The following BMPR1B variants were observed in gnomAD, a reference collection of about 807,000 sequenced individuals.
BMPR1B encodes the protein bone morphogenetic protein receptor type 1B.
In BMPR1B, 12 loss-of-function variants were observed where a neutral mutation model predicts 59.1. The observed-to-expected ratio is 0.20, with a 90% CI of 0.13 to 0.33. The LOEUF is 0.33. Among genes scored for constraint, BMPR1B ranks in the 10% least tolerant of loss-of-function variants. The pLI is 1.00. For missense variants in BMPR1B, 550 were observed against 610.9 expected (o/e 0.90, Z 1.05); for synonymous variants, 237 against 207.3 (o/e 1.14, Z -1.23).
At chr4:94,987,435 C>A (rs1021630848) in intron 2 of BMPR1B, among the ~76,000 whole-genome samples, 2 of 151,552 alleles carry the variant, frequency 1.3e-5, no homozygotes, top group African/African-American at 4.8e-5. Context: ...TTTAATCTTT[C>A]AGTGATATTT....
chr4:95,138,970 C>T (rs963499551), intron 10 of BMPR1B, among the ~76,000 whole-genome samples: 1 of 152,158 alleles, frequency 6.6e-6, no homozygotes, highest in Non-Finnish European at 1.5e-5. Context: ...GAGCTCCCTT[C>T]CTTTGGAGGA....
chr4:94,879,080 C>T (rs1339151626), intron 2 of BMPR1B, among the ~76,000 whole-genome samples: 1 of 151,978 alleles, frequency 6.6e-6, no homozygotes, highest in African/African-American at 2.4e-5. Flanking sequence ...ATACATGTGC[C>T]ATGTTGGTGT....
chr4:94,772,740 T>C (rs1473352125), intron 1 of BMPR1B, among the ~76,000 whole-genome samples: 1 of 152,194 alleles, frequency 6.6e-6, no homozygotes, highest in Non-Finnish European at 1.5e-5. Flanking sequence ...ATCAGATGTT[T>C]GCTTCACTAA....
At chr4:95,025,374 G>A (rs1724282486) in intron 3 of BMPR1B, among the ~76,000 whole-genome samples, 1 of 152,168 alleles carries the variant, frequency 6.6e-6, no homozygotes, top group African/African-American at 2.4e-5. Context: ...GTGGAGAACT[G>A]TGTCCATGGC....
At chr4:95,124,180 G>A (rs1227769832) in intron 7 of BMPR1B, among the ~76,000 whole-genome samples, 1 of 151,978 alleles carries the variant, frequency 6.6e-6, no homozygotes, top group Non-Finnish European at 1.5e-5. Flanking sequence ...TCAGAGACTG[G>A]TTGTTACTTA....
In BMPR1B at chr4:95,104,430, T is replaced by C. The variant is rs1731053194; in HGVS notation, c.6T>C (p.Leu2=). 1 of 1,613,064 alleles carries C rather than the reference T, an allele frequency of 6.2e-7. No individual in the cohort carries two copies. The highest frequency in any genetic ancestry group is 1.3e-5 in the African/African-American group (1 of 74,858). ...CAGCAAACTTCCTTGATAACATGCT[T>C]TTGCGAAGTGCAGGAAAATTAAATG... The part of the protein sequence containing the change: M[L]LRSAGKLNVG... Residue 2 remains leucine, a synonymous_variant, in exon 4 of 13, where the codon CTT becomes CTC. Transcript: ENST00000515059.
At chr4:94,996,597 G>A (rs945669689) in intron 3 of BMPR1B, among the ~76,000 whole-genome samples, 2 of 152,162 alleles carry the variant, frequency 1.3e-5, no homozygotes, top group African/African-American at 4.8e-5. Flanking sequence ...GTAACATGGG[G>A]TCTTTTTATA....
intron 3 of BMPR1B, among the ~76,000 whole-genome samples, chr4:95,052,200 G>T (rs961004711): frequency 1.3e-5 from 2 of 152,110 alleles, no homozygotes; most frequent in African/African-American, 4.8e-5. Context: ...TTATATGGAT[G>T]CATTGAGTAA....
chr4:94,909,173 C>A (rs2149009943), intron 2 of BMPR1B, among the ~76,000 whole-genome samples: 1 of 152,134 alleles, frequency 6.6e-6, no homozygotes. Flanking sequence ...ATGTAGGGCC[C>A]ATTCTAATCC....
chr4:95,077,216 G>A (rs1373640320), intron 3 of BMPR1B, among the ~76,000 whole-genome samples: 3 of 152,060 alleles, frequency 2.0e-5, no homozygotes, highest in Admixed American at 6.6e-5. Flanking sequence ...GAAATCAAAT[G>A]TACATACACC....
chr4:95,076,100 T>C (rs899001217), intron 3 of BMPR1B, among the ~76,000 whole-genome samples: 7 of 152,178 alleles, frequency 4.6e-5, no homozygotes, highest in African/African-American at 1.4e-4. Context: ...GTTCAGTGAA[T>C]AGGCTTATTT....
intron 1 of BMPR1B, among the ~76,000 whole-genome samples, chr4:94,793,774 G>C (rs1315611002): frequency 6.8e-6 from 1 of 147,396 alleles, no homozygotes; most frequent in Non-Finnish European, 1.5e-5. Flanking sequence ...GCCAGTGATG[G>C]TGAGCATTTT....
chr4:94,910,314 A>G (rs191082781), intron 2 of BMPR1B, among the ~76,000 whole-genome samples: 104 of 152,160 alleles, frequency 6.8e-4, no homozygotes, highest in Non-Finnish European at 5.7e-4. Context: ...CTCATTTTAT[A>G]TTATCCCATG....
chr4:94,964,469 C>CT (rs1442637949), intron 2 of BMPR1B, among the ~76,000 whole-genome samples: 2 of 152,202 alleles, frequency 1.3e-5, no homozygotes, highest in African/African-American at 4.8e-5. Flanking sequence ...TTGGCAAAGA[C>CT]TTTTTTCTTC....
At chr4:94,800,788 A>G (rs566541293) in intron 1 of BMPR1B, among the ~76,000 whole-genome samples, 103 of 152,310 alleles carry the variant, frequency 6.8e-4, no homozygotes, top group African/African-American at 2.1e-3. Flanking sequence ...TGGTGATATT[A>G]TTACTCATGA....
intron 1 of BMPR1B, among the ~76,000 whole-genome samples, chr4:94,835,394 T>C (rs1469497399): frequency 2.0e-5 from 3 of 152,144 alleles, no homozygotes; most frequent in Admixed American, 2.0e-4. Flanking sequence ...TTGGCAACAG[T>C]GTGCACACAG....
At chr4:95,043,413 G>A (rs1413448934) in intron 3 of BMPR1B, among the ~76,000 whole-genome samples, 2 of 152,098 alleles carry the variant, frequency 1.3e-5, no homozygotes, top group Admixed American at 1.3e-4. Flanking sequence ...TTCTTTGGTA[G>A]TTTAATCATG....
At position 95,129,894 on chromosome 4, in the gene BMPR1B, G is replaced by A; in HGVS notation, c.618G>A (p.Met206Ile). The A allele has an allele frequency of 6.2e-7, 1 of 1,613,794 alleles. No homozygotes were observed. Among genetic ancestry groups the A allele is most frequent in the South Asian group, 1.1e-5 (1 of 91,074 alleles). Residue 206 changes from methionine (M) to isoleucine (I), a missense_variant, in exon 9 of 13, where the codon ATG (methionine) becomes ATA (isoleucine). Met to Ile is a conservative substitution (Grantham distance 10). Transcript: ENST00000515059. ...GGACTATAGCTAAGCAGATTCAGAT[G>A]GTGAAACAGATTGGAAAAGGTCGCT... ...VQRTIAKQIQ[M>I]VKQIGKGRYG...
chr4:94,827,992 A>G (rs757242020), intron 1 of BMPR1B, among the ~76,000 whole-genome samples: 1 of 152,218 alleles, frequency 6.6e-6, no homozygotes, highest in Non-Finnish European at 1.5e-5. Flanking sequence ...CTGCCATATC[A>G]GTTTCACACA....
Sources: gnomAD v4.1 joint callset for allele counts (sites outside exome capture counted in the v4.1 genomes callset) on GRCh38, gnomAD v4.1.1 for gene constraint, MANE v1.5 for transcripts, NCBI Gene and HGNC (gene_info 2026-07-23, HGNC 2026-07-21) for gene names.